The following TMTC4 variants were observed in gnomAD, a reference collection of about 807,000 sequenced individuals.
TMTC4 encodes the protein transmembrane O-mannosyltransferase targeting cadherins 4, also known as protein O-mannosyl-transferase TMTC4.
TMTC4 carries 65 observed loss-of-function variants against 86.0 expected under a neutral mutation model. The ratio of observed to expected loss-of-function variants is 0.76; its 90% CI spans 0.62 to 0.93. The LOEUF is 0.93. TMTC4 is among the 40% of genes least tolerant of loss of function. The probability of loss-of-function intolerance (pLI) is 0.00; values close to 1 mark genes in which losing one functional copy is unlikely to be tolerated. For synonymous variants in TMTC4, 379 were observed against 382.5 expected (o/e 0.99, Z 0.11); for missense variants, 866 against 948.1 (o/e 0.91, Z 1.14).
At chr13:100,611,650 G>A (rs1023532341) in intron 17 of TMTC4, among the ~76,000 whole-genome samples, 9 of 152,096 alleles carry the variant, frequency 5.9e-5, no homozygotes, top group East Asian at 1.9e-4. Flanking sequence ...CCTAACCCAC[G>A]AAGCCAATCC....
intron 6 of TMTC4, among the ~76,000 whole-genome samples, chr13:100,654,998 A>G (rs1295642700): frequency 6.7e-6 from 1 of 150,184 alleles, no homozygotes; most frequent in Non-Finnish European, 1.5e-5. Flanking sequence ...GTTGTCTTTG[A>G]GAAAAGCCAC....
At chr13:100,633,312 G>GAA (rs10523073) in intron 12 of TMTC4, among the ~76,000 whole-genome samples, 22 of 79,604 alleles carry the variant, frequency 2.8e-4, no homozygotes, top group African/African-American at 9.6e-4. Flanking sequence ...CCATCTCAGG[G>GAA]AAAAAAAAAA....
intron 15 of TMTC4, among the ~76,000 whole-genome samples, chr13:100,618,484 CTCTT>C (rs1295985502): frequency 1.2e-4 from 17 of 139,460 alleles, no homozygotes; most frequent in Non-Finnish European, 2.2e-4. Context: ...CTCTCTCTCT[CTCTT>C]TTATTTTATT....
At chr13:100,617,176 C>T (rs753309965) in intron 15 of TMTC4, among the ~76,000 whole-genome samples, 7 of 151,718 alleles carry the variant, frequency 4.6e-5, no homozygotes, top group Non-Finnish European at 7.4e-5. Flanking sequence ...CAGGCGGGAG[C>T]GCAGTGGTGT....
Position 100,664,148 on chromosome 13 carries a change from G to A in TMTC4, c.335+73C>T, listed in dbSNP as rs1886127269. On this transcript the variant is annotated intron_variant, in intron 4 of 18. Transcript: ENST00000342624. ...GACTCCTGAATGCTGAGAACCTGGT[G>A]ACACACACCTGTATCCAATGTCACA... 3 of 1,321,628 alleles carry A rather than the reference G, an allele frequency of 2.3e-6. No homozygotes were observed. In the Admixed American group the frequency reaches 7.6e-5, roughly 33 times the overall value. The allele number at this position is 1,321,628 out of a possible 1,614,324, so 81.9% of individuals were successfully genotyped here. A position where few individuals can be genotyped will look rare whatever the true frequency, so the allele number is the denominator to read the frequency against.
At chr13:100,666,662 TG>T (rs2139051599) in intron 3 of TMTC4, among the ~76,000 whole-genome samples, 1 of 152,350 alleles carries the variant, frequency 6.6e-6, no homozygotes, top group Admixed American at 6.5e-5. Context: ...ATAATAAAAC[TG>T]TAGCTTTCTG....
At chr13:100,674,386 C>T in intron 1 of TMTC4, 1 of 953,464 alleles carries the variant, frequency 1.0e-6, no homozygotes, top group Non-Finnish European at 1.2e-6. Context: ...GCGCCGCAGG[C>T]GCCGGGTGCG....
At chr13:100,660,330 C>CAAAAAA (rs56177115) in intron 5 of TMTC4, among the ~76,000 whole-genome samples, 3 of 131,112 alleles carry the variant, frequency 2.3e-5, no homozygotes, top group Non-Finnish European at 3.2e-5. Context: ...GACTGTGTAT[C>CAAAAAA]AAAAAAAAAA....
chr13:100,636,324 G>A (rs1401352293), intron 10 of TMTC4, among the ~76,000 whole-genome samples: 2 of 152,180 alleles, frequency 1.3e-5, no homozygotes, highest in East Asian at 3.9e-4. Context: ...GCAGTCATCC[G>A]TAGCTCCTCT....
chr13:100,634,063 C>T (rs1381870895), intron 12 of TMTC4, among the ~76,000 whole-genome samples: 2 of 150,840 alleles, frequency 1.3e-5, no homozygotes, highest in Non-Finnish European at 2.9e-5. Context: ...CCCTTGAACC[C>T]GGGAGGTGGA....
intron 12 of TMTC4, among the ~76,000 whole-genome samples, chr13:100,630,025 G>C (rs1426037143): frequency 8.1e-5 from 1 of 12,310 alleles, no homozygotes; most frequent in Non-Finnish European, 8.2e-4. Flanking sequence ...CAATCTGTGT[G>C]TATGTGTGTG....
intron 7 of TMTC4, chr13:100,638,325 G>A (rs1024294716): frequency 1.6e-4 from 42 of 265,798 alleles, no homozygotes; most frequent in African/African-American, 9.0e-4. Flanking sequence ...AAAAGCCCTC[G>A]AGAGATACCC....
chr13:100,673,975 T>C (rs1025806365), intron 1 of TMTC4: 8 of 961,090 alleles, frequency 8.3e-6, no homozygotes, highest in Non-Finnish European at 8.7e-6. Flanking sequence ...TCATAGTGGC[T>C]AGATCGTTCC....
At chr13:100,644,814 G>A (rs1043703760) in intron 6 of TMTC4, among the ~76,000 whole-genome samples, 2 of 142,836 alleles carry the variant, frequency 1.4e-5, no homozygotes, top group South Asian at 4.7e-4. Context: ...AAAACACAAC[G>A]AACATACTTT....
chr13:100,605,601 A>G lies in TMTC4; in HGVS notation c.2135-459T>C, dbSNP rs1458704027. On this transcript the variant is annotated intron_variant, in intron 18 of 18. Transcript: ENST00000342624. The surrounding 1 kb of genome is among the most constrained non-coding windows in gnomAD (Gnocchi z 4.3). ...TAGCTTGTTTGGGTCCATTTAGAAA[A>G]AAGGCCTCTGATATCAAGAGCTGAC... Among the ~76,000 whole-genome samples, 1 of 152,148 alleles carries G rather than the reference A, an allele frequency of 6.6e-6. No homozygotes were observed. The highest frequency in any genetic ancestry group is 2.4e-5 in the African/African-American group (1 of 41,428).
chr13:100,668,618 G>GTC lies in TMTC4; in HGVS notation c.178_179dup (p.Asp60GlufsTer36). Reference sequence around the variant, plus strand: ...TAGCTTCTGAGTCATCAAAGACAAAGTCTCCATCATAGCTGCGTGCAAAAC... The same window carrying GTC: ...TAGCTTCTGAGTCATCAAAGACAAAGTCTCTCCATCATAGCTGCGTGCAAAAC... On this transcript the variant is annotated frameshift_variant, in exon 3 of 19. Transcript: ENST00000342624. LOFTEE classifies it high-confidence loss of function. 5 of 1,614,168 alleles carry GTC rather than the reference G, an allele frequency of 3.1e-6. No individual in the cohort carries two copies. In the South Asian group the frequency reaches 5.5e-5, roughly 18 times the overall value.
chr13:100,670,628 A>G lies in TMTC4; in HGVS notation c.-207-59T>C, dbSNP rs574678590. ...CAACCTCTATGCTTACATTTCAGCT[A>G]AAGAAATTACTCCTGCTACTTAAAA... On this transcript the variant is annotated intron_variant, in intron 1 of 18. Coordinates refer to ENST00000342624, the MANE Select transcript of TMTC4 (RefSeq NM_032813.5). The G allele has an allele frequency of 2.5e-5, 10 of 407,870 alleles. No individual in the cohort carries two copies. The South Asian group carries it at 5.7e-4, about 23-fold the overall frequency. 25.3% of individuals were successfully genotyped at this position (407,870 alleles called of 1,614,324 possible).
chr13:100,647,263 G>C (rs1883874486), intron 6 of TMTC4, among the ~76,000 whole-genome samples: 2 of 152,212 alleles, frequency 1.3e-5, no homozygotes, highest in Admixed American at 6.5e-5. Context: ...ATCTCATCCA[G>C]AGATAAACAG....
chr13:100,630,719 T>C (rs937870721), intron 12 of TMTC4, among the ~76,000 whole-genome samples: 13 of 152,302 alleles, frequency 8.5e-5, no homozygotes, highest in Non-Finnish European at 1.8e-4. Context: ...GCTCCTGCTG[T>C]TTTCCTTTGT....
Sources: gnomAD v4.1 joint callset for allele counts (sites outside exome capture counted in the v4.1 genomes callset) on GRCh38, gnomAD v4.1.1 for gene constraint, Gnocchi (gnomAD v3.1) non-coding constraint, MANE v1.5 for transcripts, NCBI Gene and HGNC (gene_info 2026-07-23, HGNC 2026-07-21) for gene names.